KPNA6: variants seen among roughly 807,000 people sequenced by gnomAD.
KPNA6 encodes the protein importin subunit alpha-7.
KPNA6 carries 9 observed loss-of-function variants against 72.0 expected under a neutral mutation model. The ratio of observed to expected loss-of-function variants is 0.13; its 90% CI spans 0.08 to 0.22. The LOEUF is 0.22. Among genes scored for constraint, KPNA6 ranks in the 10% least tolerant of loss-of-function variants. KPNA6 has a pLI of 1.00. For synonymous variants in KPNA6, 219 were observed against 242.1 expected (o/e 0.90, Z 0.89); for missense variants, 374 against 655.7 (o/e 0.57, Z 4.69).
chr1:32,162,561 G>C (rs750245528), intron 9 of KPNA6, 37 bp downstream of exon 9: 1 of 1,610,292 alleles, frequency 6.2e-7, no homozygotes, highest in Non-Finnish European at 8.5e-7. Context: ...TTCTGGCTGG[G>C]CACGGTGGCT....
rs1027750576 is a variant in KPNA6 at position 32,171,127 on chromosome 1, G to A, written c.*233G>A. 1.1e-5 allele frequency: 6 copies of A among 535,422 alleles called. No homozygotes were observed. The highest frequency in any genetic ancestry group is 3.1e-5 in the Admixed American group (1 of 32,518). 33.2% of individuals were successfully genotyped at this position (535,422 alleles called of 1,614,324 possible). On this transcript the variant is annotated 3_prime_UTR_variant, in exon 14 of 14. Coordinates refer to ENST00000373625, the MANE Select transcript of KPNA6 (RefSeq NM_012316.5). ...TTGTGACAAGAAGGGGACGTGTTGG[G>A]TTTTTCTTCCTTACACTATATTTTG...
At position 32,173,245 on chromosome 1, in the gene KPNA6, A is replaced by G. The variant is rs1642470218; in HGVS notation, c.*2351A>G. 1 of 393,632 alleles carries G rather than the reference A, an allele frequency of 2.5e-6. No homozygotes were observed. The highest frequency in any genetic ancestry group is 4.5e-6 in the Non-Finnish European group (1 of 223,560). 24.4% of individuals were successfully genotyped at this position (393,632 alleles called of 1,614,324 possible). A position where few individuals can be genotyped will look rare whatever the true frequency, so the allele number is the denominator to read the frequency against. ...ATTGTTCTCTTCCAAAGGGCAATTT[A>G]GTAGGATCTACTTTGTACATCTCAA... On this transcript the variant is annotated 3_prime_UTR_variant, in exon 14 of 14. Coordinates refer to ENST00000373625, the MANE Select transcript of KPNA6 (RefSeq NM_012316.5).
chr1:32,116,613 G>A (rs1641333470), intron 1 of KPNA6, among the ~76,000 whole-genome samples: 1 of 151,928 alleles, frequency 6.6e-6, no homozygotes, highest in Admixed American at 6.6e-5. Context: ...AGCTGAGATC[G>A]CACCATTACA....
chr1:32,136,113 T>C (rs564183367), intron 1 of KPNA6, among the ~76,000 whole-genome samples: 16 of 152,244 alleles, frequency 1.1e-4, no homozygotes, highest in African/African-American at 3.9e-4. Flanking sequence ...GGGACTAATA[T>C]GTTTTTCAAA....
chr1:32,118,124 A>G (rs913838967), intron 1 of KPNA6, among the ~76,000 whole-genome samples: 1 of 152,020 alleles, frequency 6.6e-6, no homozygotes, highest in Non-Finnish European at 1.5e-5. Context: ...GGGTTTCACC[A>G]TGTTGGTCAG....
chr1:32,135,704 G>A (rs1641722912), intron 1 of KPNA6, among the ~76,000 whole-genome samples: 1 of 150,324 alleles, frequency 6.7e-6, no homozygotes. Context: ...TTGGGCTCAA[G>A]TGATCTGACT....
chr1:32,158,229 T>G, intron 4 of KPNA6, 38 bp from the exon 5 acceptor site: 1 of 1,410,642 alleles, frequency 7.1e-7, no homozygotes, highest in Admixed American at 1.7e-5. Flanking sequence ...CAGCAAAAGC[T>G]TCTCCTGTGT....
At chr1:32,160,503 G>A in intron 6 of KPNA6, 112 bp from the exon 7 acceptor site, 4 of 764,122 alleles carry the variant, frequency 5.2e-6, no homozygotes, top group Non-Finnish European at 4.7e-6. Flanking sequence ...AGTATATTTG[G>A]GGCCTTGACA....
intron 1 of KPNA6, among the ~76,000 whole-genome samples, chr1:32,148,708 C>T (rs1641975611): frequency 6.6e-6 from 1 of 151,900 alleles, no homozygotes. Context: ...AGGCGCACGC[C>T]ACCACGCCTG....
At chr1:32,138,674 C>T (rs550013567) in intron 1 of KPNA6, among the ~76,000 whole-genome samples, 1 of 151,904 alleles carries the variant, frequency 6.6e-6, no homozygotes, top group East Asian at 1.9e-4. Context: ...GAGGTTGGCT[C>T]TGGAAGATGA....
intron 1 of KPNA6, among the ~76,000 whole-genome samples, chr1:32,127,001 G>A (rs1307359217): frequency 6.6e-6 from 1 of 152,024 alleles, no homozygotes; most frequent in African/African-American, 2.4e-5. Flanking sequence ...CAGGAGGTGA[G>A]AAGAAAAAGG....
In KPNA6 at chr1:32,145,872, A is replaced by T. The variant is rs561255187; in HGVS notation, c.5-8716A>T. Among the ~76,000 whole-genome samples, 4 of 152,298 alleles carry T rather than the reference A, an allele frequency of 2.6e-5. No homozygotes were observed. The East Asian group carries it at 5.8e-4, about 22-fold the overall frequency. On this transcript the variant is annotated intron_variant, in intron 1 of 13. Coordinates refer to ENST00000373625, the MANE Select transcript of KPNA6 (RefSeq NM_012316.5). ...AATCAGGACATATGAGTCTTCCGAC[A>T]TTTTAAAGAATGTCTTCCTTAATTT...
chr1:32,117,634 CAAT>C (rs1477325072), intron 1 of KPNA6, among the ~76,000 whole-genome samples: 2 of 152,048 alleles, frequency 1.3e-5, no homozygotes, highest in Non-Finnish European at 2.9e-5. Context: ...AAGACAAAAA[CAAT>C]AACAACAATA....
rs765522597 is a variant in KPNA6, at chr1:32,108,096, G to T, written c.-35G>T. On this transcript the variant is annotated 5_prime_UTR_variant, in exon 1 of 14. Coordinates refer to ENST00000373625, the MANE Select transcript of KPNA6 (RefSeq NM_012316.5). ...AGCTGCCGCTGAAGCTGCCGCCGTTGCCTCCGCCGCCAAGAGTGAGCGAGC... is the reference window on the plus strand; with the variant it reads ...AGCTGCCGCTGAAGCTGCCGCCGTTTCCTCCGCCGCCAAGAGTGAGCGAGC... 2.5e-6 allele frequency: 4 copies of T among 1,613,794 alleles called. No individual in the cohort carries two copies. The highest frequency in any genetic ancestry group is 2.5e-6 in the Non-Finnish European group (3 of 1,179,884).
At chr1:32,143,581 A>G (rs1191353588) in intron 1 of KPNA6, among the ~76,000 whole-genome samples, 1 of 147,788 alleles carries the variant, frequency 6.8e-6, no homozygotes, top group African/African-American at 2.5e-5. Context: ...TTAAAAAAAA[A>G]AAAAAGAAAA....
rs191295092 is a variant in KPNA6 at position 32,135,356 on chromosome 1, C to T, written c.5-19232C>T. ...TTCTGGGATTACATGTGTGAGCCAC[C>T]GCGCCTGGCCAATTTATTTTTAGTA... On this transcript the variant is annotated intron_variant, in intron 1 of 13. Coordinates refer to ENST00000373625, the MANE Select transcript of KPNA6 (RefSeq NM_012316.5). Among the ~76,000 whole-genome samples the T allele has an allele frequency of 3.6e-3, 544 of 152,168 alleles. 6 individuals carry two copies. Among genetic ancestry groups the T allele is most frequent in the Non-Finnish European group, 3.8e-3 (258 of 68,006 alleles).
rs568094887 is a variant in KPNA6 at position 32,129,169 on chromosome 1, C to CT, written c.4+21047dup. ...TCCTTCCTTCCTCTTTTTTTTCTTTCTTTTTTTTTTTTGAGACAGGCTCTA... is the reference window on the plus strand; with the variant it reads ...TCCTTCCTTCCTCTTTTTTTTCTTTCTTTTTTTTTTTTTGAGACAGGCTCTA... On this transcript the variant is annotated intron_variant, in intron 1 of 13. Transcript: ENST00000373625. Among the ~76,000 whole-genome samples the CT allele has an allele frequency of 3.6e-3, 471 of 129,694 alleles. 3 individuals carry two copies. The highest frequency in any genetic ancestry group is 9.4e-3 in the African/African-American group (332 of 35,300). The allele number at this position is 129,694 out of a possible 152,430, so 85.1% of individuals were successfully genotyped here.
intron 1 of KPNA6, among the ~76,000 whole-genome samples, chr1:32,119,032 A>ATATATTTTTTT (rs1167325052): frequency 5.0e-5 from 2 of 40,272 alleles, no homozygotes; most frequent in African/African-American, 1.0e-4. Flanking sequence ...ATATATATAT[A>ATATATTTTTTT]TTTTTTTTTT....
Position 32,170,891 on chromosome 1 carries a change from A to G in KPNA6, c.1608A>G (p.Leu536=). Residue 536 remains leucine (L), a synonymous_variant, in exon 14 of 14, where the codon CTA becomes CTG. Transcript: ENST00000373625. The part of the protein sequence containing the change: ...QPEAPMEGFQ[L] ...AGGCCCCCATGGAGGGCTTCCAGCT[A>G]TAATATCTGCCTCCAGGGAGGGGAG... 3 of 1,613,996 alleles carry G rather than the reference A, an allele frequency of 1.9e-6. No homozygotes were observed. Among genetic ancestry groups the G allele is most frequent in the Non-Finnish European group, 2.5e-6 (3 of 1,179,876 alleles).
Sources: allele counts gnomAD v4.1 joint callset (sites outside exome capture counted in the v4.1 genomes callset), GRCh38; gene constraint gnomAD v4.1.1; transcripts MANE v1.5; gene names NCBI Gene and HGNC (gene_info 2026-07-23, HGNC 2026-07-21).